The following USP34 variants were observed in gnomAD, a reference collection of about 807,000 sequenced individuals.
USP34 encodes the protein ubiquitin carboxyl-terminal hydrolase 34.
Under a neutral mutation model 460.3 loss-of-function variants are expected in USP34, and 70 were observed. That is an observed-to-expected ratio of 0.15 (90% CI 0.13 to 0.19). The LOEUF (loss-of-function observed/expected upper bound fraction) is 0.19, where lower values mean the gene tolerates loss of function less well. Among genes scored for constraint, USP34 ranks in the 10% least tolerant of loss-of-function variants. The probability of loss-of-function intolerance (pLI) is 1.00; values close to 1 mark genes in which losing one functional copy is unlikely to be tolerated. For missense variants in USP34, 3,985 were observed against 4,236.2 expected (o/e 0.94, Z 1.65); for synonymous variants, 1,647 against 1,405.3 (o/e 1.17, Z -3.85).
At chr2:61,326,215 G>C (rs1188139434) in intron 20 of USP34, among the ~76,000 whole-genome samples, 1 of 151,942 alleles carries the variant, frequency 6.6e-6, no homozygotes, top group Non-Finnish European at 1.5e-5. Context: ...TGTGTATTTG[G>C]GGCTGGAAGG....
rs753348529 is a variant in USP34, at chr2:61,295,204, C to T, written c.4341G>A (p.Leu1447=). 6.2e-7 allele frequency: 1 copy of T among 1,611,944 alleles called. No homozygotes were observed. The highest frequency in any genetic ancestry group is 1.7e-5 in the Admixed American group (1 of 59,734). The change falls in exon 31 of 80, where the codon CTG becomes CTA. Residue 1447 remains leucine, a synonymous_variant. Coordinates refer to ENST00000398571, the MANE Select transcript of USP34 (RefSeq NM_014709.4). ...LLYALEIIEA[L]GKPNRRIRRE... ...TCCTTATTCTTCTATTAGGTTTTCC[C>T]AGTGCTTCAATAATTTCCAGAGCAT... is the stretch of plus-strand genomic sequence containing the variant.
intron 8 of USP34, among the ~76,000 whole-genome samples, chr2:61,373,367 G>GTT (rs112151932): frequency 3.4e-5 from 5 of 146,532 alleles, no homozygotes; most frequent in African/African-American, 1.2e-4. Context: ...TATATGACTA[G>GTT]TTTTTTTTTT....
At chr2:61,373,230 A>C (rs146835915) in intron 8 of USP34, among the ~76,000 whole-genome samples, 1,526 of 152,130 alleles carry the variant, frequency 0.01, 18 homozygotes, top group Non-Finnish European at 0.016. Flanking sequence ...TATACTATAA[A>C]AATAGATAGT....
chr2:61,384,481 G>A (rs1351256420), intron 5 of USP34, among the ~76,000 whole-genome samples: 3 of 151,840 alleles, frequency 2.0e-5, no homozygotes, highest in East Asian at 3.9e-4. Flanking sequence ...ACCAGCCTGG[G>A]CAACATGGCT....
At chr2:61,291,538 C>A (rs920657210) in intron 33 of USP34, among the ~76,000 whole-genome samples, 2 of 152,164 alleles carry the variant, frequency 1.3e-5, no homozygotes, top group Non-Finnish European at 2.9e-5. Context: ...CTGGATTCAG[C>A]TGTGACTGAA....
intron 1 of USP34, among the ~76,000 whole-genome samples, chr2:61,462,636 G>GGATC (rs202032652): frequency 0.015 from 2,301 of 151,930 alleles, 71 homozygotes; most frequent in African/African-American, 0.052. Flanking sequence ...TGAGGCAAGC[G>GGATC]GATCACTTGA....
intron 43 of USP34, 153 bp downstream of exon 43, chr2:61,265,242 CTA>C: frequency 1.3e-6 from 1 of 785,016 alleles, no homozygotes; most frequent in African/African-American, 1.8e-5. Flanking sequence ...AAATGTATAA[CTA>C]TGTAAAATAC....
intron 76 of USP34, chr2:61,190,875 G>C: frequency 4.3e-6 from 2 of 460,738 alleles, no homozygotes; most frequent in Non-Finnish European, 3.7e-6. Context: ...GATTAAGGGA[G>C]TGCTGGGGGA....
chr2:61,358,375 TA>T (rs1482917437), intron 10 of USP34, among the ~76,000 whole-genome samples: 16 of 151,954 alleles, frequency 1.1e-4, no homozygotes, highest in South Asian at 4.1e-4. Context: ...CTTATAGTTC[TA>T]AAAAAATTAT....
Position 61,360,587 on chromosome 2 carries a change from G to T in USP34, c.1251+9734C>A, listed in dbSNP as rs78888874. On this transcript the variant is annotated intron_variant, in intron 10 of 79. Transcript: ENST00000398571. Reference sequence around the variant, plus strand: ...AGACATTCCATATTCATGCACTGAAGGAAAAATATCATTAAAAGTCCATAC... The same window carrying T: ...AGACATTCCATATTCATGCACTGAATGAAAAATATCATTAAAAGTCCATAC... Among the ~76,000 whole-genome samples the T allele has an allele frequency of 7.2e-5, 11 of 152,308 alleles. No individual in the cohort carries two copies. In the East Asian group the frequency reaches 2.1e-3, roughly 29 times the overall value.
At chr2:61,226,994 C>A in intron 62 of USP34, 73 bp downstream of exon 62, 1 of 1,482,600 alleles carries the variant, frequency 6.7e-7, no homozygotes, top group Non-Finnish European at 8.9e-7. Flanking sequence ...AGTGGAAAAA[C>A]TAGTGGTAAA....
At chr2:61,361,291 T>C (rs1242508272) in intron 10 of USP34, among the ~76,000 whole-genome samples, 2 of 152,198 alleles carry the variant, frequency 1.3e-5, no homozygotes, top group African/African-American at 2.4e-5. Flanking sequence ...CATGGTGGCA[T>C]GCTCTTGTAG....
intron 1 of USP34, among the ~76,000 whole-genome samples, chr2:61,424,199 T>C (rs1000302640): frequency 2.0e-5 from 3 of 152,166 alleles, no homozygotes; most frequent in Non-Finnish European, 4.4e-5. Context: ...ACCTCTACTA[T>C]ACGGTGTATA....
chr2:61,239,180 G>A (rs902138759), intron 53 of USP34, among the ~76,000 whole-genome samples: 3 of 151,744 alleles, frequency 2.0e-5, no homozygotes, highest in Non-Finnish European at 4.4e-5. Context: ...ACTGGAATTA[G>A]GCCAATTAAC....
Position 61,236,038 on chromosome 2 carries a change from A to G in USP34, c.6954T>C (p.His2318=), listed in dbSNP as rs1688061022. Residue 2318 remains histidine, a synonymous_variant, in exon 56 of 80, where the codon CAT becomes CAC. Coordinates refer to ENST00000398571, the MANE Select transcript of USP34 (RefSeq NM_014709.4). ...STSFVLETFI[H]SKEKPTMLQW... Reference sequence around the variant, plus strand: ...AGAAAACACATACCTTTTCTTTAGAATGAATAAATGTCTCTAGGACAAAGG... The same window carrying G: ...AGAAAACACATACCTTTTCTTTAGAGTGAATAAATGTCTCTAGGACAAAGG... The G allele has an allele frequency of 1.2e-6, 2 of 1,606,126 alleles. No individual in the cohort carries two copies. Among genetic ancestry groups the G allele is most frequent in the Non-Finnish European group, 1.7e-6 (2 of 1,178,066 alleles).
intron 1 of USP34, among the ~76,000 whole-genome samples, chr2:61,444,324 A>C (rs1442107260): frequency 6.6e-6 from 1 of 152,182 alleles, no homozygotes; most frequent in African/African-American, 2.4e-5. Flanking sequence ...TAAAATTGAT[A>C]GATGGCTTTA....
Position 61,190,545 on chromosome 2 carries a change from G to A in USP34, c.9702C>T (p.Tyr3234=). 6.2e-7 allele frequency: 1 copy of A among 1,614,060 alleles called. No individual in the cohort carries two copies. The highest frequency in any genetic ancestry group is 2.2e-5 in the East Asian group (1 of 44,878). ...ERTFLNNNIV[Y]TFMTHFLLKV... ...TTAGAAGGAAATGTGTCATGAACGT[G>A]TAGACAATGTTGTTGTTTAAAAAAG... The change falls in exon 77 of 80, where the codon TAC becomes TAT. Residue 3234 remains tyrosine, a synonymous_variant. Coordinates refer to ENST00000398571, the MANE Select transcript of USP34 (RefSeq NM_014709.4).
intron 3 of USP34, among the ~76,000 whole-genome samples, chr2:61,399,596 G>A (rs2103916247): frequency 6.6e-6 from 1 of 152,160 alleles, no homozygotes; most frequent in East Asian, 1.9e-4. Flanking sequence ...ACGGTCCCGG[G>A]CGCGGTGGCT....
intron 43 of USP34, among the ~76,000 whole-genome samples, chr2:61,260,334 C>G (rs1350477874): frequency 6.6e-6 from 1 of 152,150 alleles, no homozygotes; most frequent in Non-Finnish European, 1.5e-5. Context: ...GAACACCAAG[C>G]CTTATAGGAA....
Sources: gnomAD v4.1 joint callset for allele counts (sites outside exome capture counted in the v4.1 genomes callset) on GRCh38, gnomAD v4.1.1 for gene constraint, MANE v1.5 for transcripts, NCBI Gene and HGNC (gene_info 2026-07-23, HGNC 2026-07-21) for gene names.